The following AMBRA1 variants were observed in gnomAD, a reference collection of about 807,000 sequenced individuals.
AMBRA1 encodes the protein activating molecule in BECN1-regulated autophagy protein 1.
In AMBRA1, 47 loss-of-function variants were observed where a neutral mutation model predicts 125.4. That is an observed-to-expected ratio of 0.37 (90% CI 0.30 to 0.48). The LOEUF is 0.48. Among genes scored for constraint, AMBRA1 ranks in the 20% least tolerant of loss-of-function variants. AMBRA1 has a pLI of 0.99. For synonymous variants in AMBRA1, 626 were observed against 655.5 expected (o/e 0.95, Z 0.69); for missense variants, 1,331 against 1,693.4 (o/e 0.79, Z 3.76).
At chr11:46,457,150 G>C (rs1260204244) in intron 11 of AMBRA1, among the ~76,000 whole-genome samples, 1 of 152,218 alleles carries the variant, frequency 6.6e-6, no homozygotes, top group Admixed American at 6.5e-5. Flanking sequence ...ATGCAAGAAA[G>C]AGGACAGGCC....
At chr11:46,403,102 C>T (rs1448199531) in intron 17 of AMBRA1, among the ~76,000 whole-genome samples, 1 of 152,230 alleles carries the variant, frequency 6.6e-6, no homozygotes, top group Non-Finnish European at 1.5e-5. Context: ...ATTTAGAGTT[C>T]ACATGAGGTC....
At chr11:46,544,151 C>T in intron 5 of AMBRA1, 110 bp from the exon 6 acceptor site, 1 of 782,420 alleles carries the variant, frequency 1.3e-6, no homozygotes, top group Non-Finnish European at 2.1e-6. Context: ...ACTGGTATCA[C>T]TCAGGTATCC....
At position 46,545,682 on chromosome 11, in the gene AMBRA1, T is replaced by C. The variant is rs550412246; in HGVS notation, c.473A>G (p.Asn158Ser). ...ACTCCAGTCCCAGAAGTGGATCTCA[T>C]TGGCAGTGGCAATCAGCAGGAGCTG... Reference protein sequence around the residue: ...TAQLLLIATANEIHFWDWSRR... With the variant: ...TAQLLLIATASEIHFWDWSRR... The change falls in exon 5 of 18, where the codon AAT becomes AGT. Residue 158 changes from asparagine to serine, a missense_variant. Physicochemically the swap from Asn to Ser is conservative, Grantham distance 46 (BLOSUM62 1). Transcript: ENST00000683756. 6.8e-5 allele frequency: 109 copies of C among 1,614,154 alleles called. No individual in the cohort carries two copies. In the South Asian group the frequency reaches 8.8e-4, roughly 13 times the overall value.
rs1227775194 is a variant in AMBRA1, at chr11:46,543,321, C to T, written c.696G>A (p.Gln232=). The T allele has an allele frequency of 6.2e-7, 1 of 1,613,922 alleles. No individual in the cohort carries two copies. Among genetic ancestry groups the T allele is most frequent in the Non-Finnish European group, 8.5e-7 (1 of 1,179,980 alleles). ...GGAGGAGAGGCGTCCGGCGAACTGGCTGTGATTGCAGGAGGGCACGCTGAC... is the reference window on the plus strand; with the variant it reads ...GGAGGAGAGGCGTCCGGCGAACTGGTTGTGATTGCAGGAGGGCACGCTGAC... ...HYRQRALLQS[Q]PVRRTPLLHN... The change falls in exon 7 of 18, where the codon CAG becomes CAA. Residue 232 remains glutamine (Q), a synonymous_variant. Transcript: ENST00000683756.
chr11:46,416,863 T>C (rs373020619), intron 15 of AMBRA1, among the ~76,000 whole-genome samples: 2 of 152,154 alleles, frequency 1.3e-5, no homozygotes, highest in Non-Finnish European at 2.9e-5. Context: ...ACTCTCCACC[T>C]GGCTGAGGCT....
chr11:46,545,595 C>T lies in AMBRA1; in HGVS notation c.551+9G>A, dbSNP rs754955845. On this transcript the variant is annotated intron_variant, in intron 5 of 17. Transcript: ENST00000683756. ...GTGCCAGACAATGCAGATGGGGCAG[C>T]GCACTCACCGGACCCGTTCCATCTC... is the stretch of plus-strand genomic sequence containing the variant. 6 of 1,612,596 alleles carry T rather than the reference C, an allele frequency of 3.7e-6. No homozygotes were observed. The highest frequency in any genetic ancestry group is 1.3e-5 in the African/African-American group (1 of 74,998).
chr11:46,443,593 C>T lies in AMBRA1; in HGVS notation c.2527G>A (p.Val843Met), dbSNP rs1227829177. 1.2e-6 allele frequency: 2 copies of T among 1,613,584 alleles called. No individual in the cohort carries two copies. The highest frequency in any genetic ancestry group is 1.7e-6 in the Non-Finnish European group (2 of 1,179,546). ...ACAGCAGACTGTCCATCACCGATCACTGCCCCTTATGAGGAAGAAGTCAAA... is the reference window on the plus strand; with the variant it reads ...ACAGCAGACTGTCCATCACCGATCATTGCCCCTTATGAGGAAGAAGTCAAA... ...SSVNRVLAGA[V>M]IGDGQSAVAS... The change falls in exon 12 of 18, where the codon GTG (valine) becomes ATG (methionine). Residue 843 changes from valine to methionine, a missense_variant. Physicochemically the swap from Val to Met is conservative, Grantham distance 21. Around this residue, in one of 4 missense-constraint regions of AMBRA1, gnomAD observed 354 missense variants for 532.7 expected, o/e 0.66. Transcript: ENST00000683756.
At chr11:46,565,681 T>G (rs535189279) in intron 1 of AMBRA1, among the ~76,000 whole-genome samples, 2 of 152,054 alleles carry the variant, frequency 1.3e-5, no homozygotes, top group African/African-American at 4.8e-5. Flanking sequence ...TACTCCAACC[T>G]GGGCTCAGAG....
At chr11:46,513,007 C>A (rs1490476570) in intron 7 of AMBRA1, among the ~76,000 whole-genome samples, 194 bp from the exon 8 acceptor site, 3 of 152,230 alleles carry the variant, frequency 2.0e-5, no homozygotes, top group Non-Finnish European at 4.4e-5. Flanking sequence ...AACTCCCACA[C>A]TGGACATGAC....
intron 1 of AMBRA1, among the ~76,000 whole-genome samples, chr11:46,550,592 T>C (rs1432701705): frequency 6.6e-6 from 1 of 152,192 alleles, no homozygotes; most frequent in Non-Finnish European, 1.5e-5. Context: ...AAATATTCAT[T>C]TTCTAATTCT....
chr11:46,422,237 T>C (rs896728726), intron 14 of AMBRA1, among the ~76,000 whole-genome samples: 3 of 152,164 alleles, frequency 2.0e-5, no homozygotes, highest in Non-Finnish European at 2.9e-5. Flanking sequence ...CCCTGGTATA[T>C]GACGAATGCT....
intron 4 of AMBRA1, 139 bp downstream of exon 4, chr11:46,546,974 A>G (rs904490698): frequency 2.7e-6 from 2 of 750,420 alleles, no homozygotes; most frequent in Admixed American, 3.0e-5. Context: ...GGGAGGCTGA[A>G]GCAGAAGTAT....
intron 11 of AMBRA1, among the ~76,000 whole-genome samples, chr11:46,449,212 C>T (rs1378444136): frequency 2.6e-5 from 4 of 152,198 alleles, no homozygotes; most frequent in South Asian, 2.1e-4. Context: ...CACCCCCCAC[C>T]GCAAAACAAA....
rs925751489 is a variant in AMBRA1, at chr11:46,508,095, C to G, written c.2339+96G>C. 5 of 1,320,232 alleles carry G rather than the reference C, an allele frequency of 3.8e-6. No homozygotes were observed. The Admixed American group carries it at 5.8e-5, about 15-fold the overall frequency. 81.8% of individuals were successfully genotyped at this position (1,320,232 alleles called of 1,614,324 possible). ...TAAATAATAATTGAGGAGTTGGGAG[C>G]AAGAACATCCACCATTGTAGCTCCA... is the stretch of plus-strand genomic sequence containing the variant. On this transcript the variant is annotated intron_variant, in intron 9 of 17. Coordinates refer to ENST00000683756, the MANE Select transcript of AMBRA1 (RefSeq NM_001387011.1).
At chr11:46,486,489 C>T (rs1017482535) in intron 11 of AMBRA1, among the ~76,000 whole-genome samples, 3 of 152,174 alleles carry the variant, frequency 2.0e-5, no homozygotes, top group Non-Finnish European at 4.4e-5. Flanking sequence ...AGTTAGCAAG[C>T]CTGAGGCTCT....
intron 7 of AMBRA1, among the ~76,000 whole-genome samples, chr11:46,521,062 T>C (rs932102520): frequency 1.3e-5 from 2 of 152,112 alleles, no homozygotes; most frequent in Non-Finnish European, 2.9e-5. Context: ...AACCAACAAA[T>C]ATTTAAGTGA....
intron 9 of AMBRA1, among the ~76,000 whole-genome samples, chr11:46,505,316 G>A (rs1283554464): frequency 6.6e-6 from 1 of 152,182 alleles, no homozygotes; most frequent in Non-Finnish European, 1.5e-5. Context: ...GACACTCAGA[G>A]GACAGGAGCA....
At chr11:46,410,607 CCT>C (rs1394147607) in intron 15 of AMBRA1, among the ~76,000 whole-genome samples, 3 of 152,196 alleles carry the variant, frequency 2.0e-5, no homozygotes, top group African/African-American at 7.2e-5. Context: ...CTCCCTTCCC[CCT>C]GACAAGCCTA....
intron 4 of AMBRA1, among the ~76,000 whole-genome samples, chr11:46,546,769 G>C (rs1953037192): frequency 2.0e-5 from 3 of 152,124 alleles, no homozygotes; most frequent in Admixed American, 6.6e-5. Context: ...ACAAGTCTCT[G>C]CATTTAGAAT....
Sources: allele counts gnomAD v4.1 joint callset (sites outside exome capture counted in the v4.1 genomes callset), GRCh38; gene constraint gnomAD v4.1.1; regional missense constraint gnomAD v4.1.1; transcripts MANE v1.5; gene names NCBI Gene and HGNC (gene_info 2026-07-23, HGNC 2026-07-21).